EDARADD: variants seen among roughly 807,000 people sequenced by gnomAD.
EDARADD encodes the protein ectodysplasin-A receptor-associated adapter protein.
A neutral mutation model predicts 25.6 loss-of-function variants in EDARADD; 20 were observed. The observed-to-expected ratio is 0.78, with a 90% CI of 0.55 to 1.14. EDARADD has a LOEUF of 1.14. Ranked by LOEUF, EDARADD falls within the 50% of genes most tolerant of loss-of-function variation. The probability of loss-of-function intolerance (pLI) is 0.00; values close to 1 mark genes in which losing one functional copy is unlikely to be tolerated. For synonymous variants in EDARADD, 86 were observed against 94.4 expected (o/e 0.91, Z 0.52); for missense variants, 225 against 270.1 (o/e 0.83, Z 1.17).
chr1:236,391,399 A>G (rs1667424537), upstream of EDARADD, among the ~76,000 whole-genome samples: 1 of 152,222 alleles, frequency 6.6e-6, no homozygotes, highest in Non-Finnish European at 1.5e-5. Context: ...AAATGCAGAG[A>G]CATGGAAACT....
intron 5 of EDARADD, among the ~76,000 whole-genome samples, chr1:236,479,558 C>T: frequency 6.6e-6 from 1 of 151,948 alleles, no homozygotes; most frequent in East Asian, 1.9e-4. Flanking sequence ...TCTCTGTGTA[C>T]ACTTAAGCTT....
At chr1:236,374,080 A>G (rs1667199220) in intron 3 of EDARADD, among the ~76,000 whole-genome samples, 1 of 152,134 alleles carries the variant, frequency 6.6e-6, no homozygotes, top group South Asian at 2.1e-4. Context: ...TTTATGACCA[A>G]GTCTGTTTGC....
rs753890063 is a variant in EDARADD, at chr1:236,482,494, T to C, written c.493T>C (p.Leu165=). 1.2e-6 allele frequency: 2 copies of C among 1,613,578 alleles called. No homozygotes were observed. The highest frequency in any genetic ancestry group is 3.3e-5 in the Admixed American group (2 of 59,998). ...FLEQRPQSPT[L]EFLLRNSQRT... ...GGAGCAGAGGCCACAGAGCCCCACC[T>C]TGGAGTTCTTGCTCCGGAACAGTCA... is the stretch of plus-strand genomic sequence containing the variant. The change falls in exon 6 of 6, where the codon TTG becomes CTG. Residue 165 remains leucine, a synonymous_variant. Transcript: ENST00000334232.
chr1:236,362,489 T>C (rs1527280), intron 3 of EDARADD, among the ~76,000 whole-genome samples: 53,145 of 152,006 alleles, frequency 0.35, 9,610 homozygotes, highest in African/African-American at 0.45. Context: ...CTTCCCCAGC[T>C]TGTGGCTTGT....
At chr1:236,481,778 C>CAAA (rs36104533) in intron 5 of EDARADD, among the ~76,000 whole-genome samples, 1,082 of 93,274 alleles carry the variant, frequency 0.012, 28 homozygotes, top group African/African-American at 0.046. Flanking sequence ...CACCCTGTAT[C>CAAA]AAAAAAAAAA....
intron 3 of EDARADD, among the ~76,000 whole-genome samples, chr1:236,351,520 G>A (rs192220336): frequency 2.8e-4 from 43 of 152,162 alleles, no homozygotes; most frequent in African/African-American, 9.6e-4. Context: ...GACCATCCTG[G>A]CCAACATGGT....
At position 236,447,178 on chromosome 1, in the gene EDARADD, TTCTTTCTTTC is replaced by T. The variant is rs1479288986; in HGVS notation, c.219+19730_219+19739del. On this transcript the variant is annotated intron_variant, in intron 4 of 5. Transcript: ENST00000334232. ...CCTCCCTCCCTCCCTCCCTCTTTCT[TTCTTTCTTTC>T]TTTCTTTCTTTCTTTCTTTCTTTCT... 3.0e-4 allele frequency among the ~76,000 whole-genome samples: 24 copies of T among 79,334 alleles called. 2 individuals are homozygous for T. The highest frequency in any genetic ancestry group is 1.4e-3 in the African/African-American group (22 of 15,966). 52.0% of individuals were successfully genotyped at this position (79,334 alleles called of 152,430 possible).
In EDARADD at chr1:236,483,208, G is replaced by T. The variant is rs542062444; in HGVS notation, c.*559G>T. ...CATGCCAGGGAGCTCTTTGACTCTC[G>T]TGGGAATCCCACTGTTGAGGTTGAT... On this transcript the variant is annotated 3_prime_UTR_variant, in exon 6 of 6. Transcript: ENST00000334232. The T allele has an allele frequency of 1.3e-6, 2 of 1,583,076 alleles. No homozygotes were observed. Among genetic ancestry groups the T allele is most frequent in the Admixed American group, 1.7e-5 (1 of 59,750 alleles).
At chr1:236,453,515 A>T (rs1357612811) in intron 4 of EDARADD, among the ~76,000 whole-genome samples, 2 of 152,076 alleles carry the variant, frequency 1.3e-5, no homozygotes, top group Admixed American at 6.5e-5. Flanking sequence ...TGACCTTGTG[A>T]TCCACCCGCC....
In EDARADD at chr1:236,483,992, G is replaced by A; in HGVS notation, c.*1343G>A. 1 of 1,399,630 alleles carries A rather than the reference G, an allele frequency of 7.1e-7. No homozygotes were observed. Among genetic ancestry groups the A allele is most frequent in the East Asian group, 2.3e-5 (1 of 43,712 alleles). The allele number at this position is 1,399,630 out of a possible 1,614,324, so 86.7% of individuals were successfully genotyped here. On this transcript the variant is annotated 3_prime_UTR_variant, in exon 6 of 6. Coordinates refer to ENST00000334232, the MANE Select transcript of EDARADD (RefSeq NM_145861.4). ...CCAGGTACATCTCACCTGACTGTCT[G>A]GCTGACCTGTACAAGTCCTTCATCA...
intron 4 of EDARADD, among the ~76,000 whole-genome samples, chr1:236,461,626 G>C (rs1383034509): frequency 6.6e-6 from 1 of 152,178 alleles, no homozygotes; most frequent in African/African-American, 2.4e-5. Context: ...GGAACCTCAG[G>C]TGTAGAAGTC....
At chr1:236,399,478 C>A (rs1039104763) in intron 1 of EDARADD, among the ~76,000 whole-genome samples, 1 of 152,212 alleles carries the variant, frequency 6.6e-6, no homozygotes, top group Admixed American at 6.5e-5. Flanking sequence ...TGAGCCACCA[C>A]GCCCTGGCCA....
intron 4 of EDARADD, among the ~76,000 whole-genome samples, chr1:236,430,616 TTC>T (rs1658069875): frequency 2.0e-5 from 1 of 50,692 alleles, no homozygotes; most frequent in Non-Finnish European, 8.7e-5. Context: ...ACAAAATGTC[TTC>T]TTCTCCTATA....
intron 1 of EDARADD, among the ~76,000 whole-genome samples, chr1:236,405,874 C>CTTCCTTCCTTCCTTCTTTCTTTCT (rs56931070): frequency 6.5e-5 from 2 of 30,902 alleles, no homozygotes; most frequent in African/African-American, 1.2e-4. Flanking sequence ...TCCTTCCTTC[C>CTTCCTTCCTTCCTTCTTTCTTTCT]TTCTTTCTTT....
chr1:236,408,082 T>C (rs534659930), intron 1 of EDARADD, among the ~76,000 whole-genome samples: 26 of 152,338 alleles, frequency 1.7e-4, no homozygotes, highest in African/African-American at 4.8e-4. Flanking sequence ...AAGAGAGTCA[T>C]TAATGTGATG....
chr1:236,449,927 C>G (rs1464534925), intron 4 of EDARADD, among the ~76,000 whole-genome samples: 1 of 152,118 alleles, frequency 6.6e-6, no homozygotes, highest in Non-Finnish European at 1.5e-5. Flanking sequence ...ATGGCGAAAC[C>G]CCGTTTCTAC....
chr1:236,369,680 A>G (rs1406537738), intron 3 of EDARADD, among the ~76,000 whole-genome samples: 20 of 152,026 alleles, frequency 1.3e-4, no homozygotes, highest in Non-Finnish European at 2.9e-5. Context: ...CTCTACTAAA[A>G]ATACAAAATT....
chr1:236,393,408 T>TTG (rs1667456524), upstream of EDARADD, among the ~76,000 whole-genome samples: 1 of 138,960 alleles, frequency 7.2e-6, no homozygotes, highest in Admixed American at 7.3e-5. Context: ...TTTTTTTTTT[T>TTG]TTTTTGAGAC....
In EDARADD at chr1:236,398,501, A is replaced by G. The variant is rs1236645129; in HGVS notation, c.61+3996A>G. On this transcript the variant is annotated intron_variant, in intron 1 of 5. Transcript: ENST00000334232. The surrounding 1 kb of genome is among the most constrained non-coding windows in gnomAD (Gnocchi z 4.1). ...GACAGATCCTCAGTCCTTGAGGCTT[A>G]CACACTCTGTGCAATCAATCCCTAC... Among the ~76,000 whole-genome samples, 1 of 152,226 alleles carries G rather than the reference A, an allele frequency of 6.6e-6. No homozygotes were observed. Among genetic ancestry groups the G allele is most frequent in the African/African-American group, 2.4e-5 (1 of 41,460 alleles).
Sources: allele counts gnomAD v4.1 joint callset (sites outside exome capture counted in the v4.1 genomes callset), GRCh38; gene constraint gnomAD v4.1.1; non-coding constraint Gnocchi (gnomAD v3.1); transcripts MANE v1.5; gene names NCBI Gene and HGNC (gene_info 2026-07-23, HGNC 2026-07-21).